The following SP100 variants were observed in gnomAD, a reference collection of about 807,000 sequenced individuals.
SP100 encodes the protein SP100 nuclear body protein, also known as nuclear autoantigen Sp-100.
SP100 carries 84 observed loss-of-function variants against 130.0 expected under a neutral mutation model. The observed-to-expected ratio is 0.65, with a 90% CI of 0.54 to 0.77. The LOEUF is 0.77. Ranked by LOEUF, SP100 falls within the 30% of genes least tolerant of loss-of-function variation. The pLI, the probability that SP100 is intolerant of heterozygous loss-of-function variation, is 0.00. For synonymous variants in SP100, 331 were observed against 351.7 expected (o/e 0.94, Z 0.66); for missense variants, 978 against 1,052.2 (o/e 0.93, Z 0.97).
At chr2:230,464,322 AC>A (rs2064821936) in intron 11 of SP100, among the ~76,000 whole-genome samples, 172 bp downstream of exon 11, 1 of 152,206 alleles carries the variant, frequency 6.6e-6, no homozygotes, top group African/African-American at 2.4e-5. Flanking sequence ...GAAATGGAAG[AC>A]ATTAGGAAGG....
At chr2:230,481,873 G>T (rs1559512275) in intron 17 of SP100, among the ~76,000 whole-genome samples, 1 of 152,154 alleles carries the variant, frequency 6.6e-6, no homozygotes, top group African/African-American at 2.4e-5. Flanking sequence ...TACATAAGAT[G>T]CTTTTACCTG....
chr2:230,420,159 G>A (rs2062727944), intron 2 of SP100, among the ~76,000 whole-genome samples: 1 of 152,136 alleles, frequency 6.6e-6, no homozygotes, highest in South Asian at 2.1e-4. Context: ...TTGTAAACAG[G>A]AATTCATTTT....
chr2:230,508,948 TACAC>T (rs57313808), intron 23 of SP100: 15,969 of 101,292 alleles, frequency 0.16, 1,508 homozygotes, highest in African/African-American at 0.28. Flanking sequence ...CACACACACA[TACAC>T]ACACACACAC....
At chr2:230,452,824 T>TG (rs2064069087) in intron 8 of SP100, among the ~76,000 whole-genome samples, 2 of 151,302 alleles carry the variant, frequency 1.3e-5, no homozygotes, top group Admixed American at 6.6e-5. Flanking sequence ...AGCAGTTTTT[T>TG]TTTTTTTTTT....
intron 26 of SP100, 151 bp from the exon 27 acceptor site, chr2:230,541,150 C>A: frequency 3.2e-6 from 4 of 1,243,082 alleles, no homozygotes; most frequent in South Asian, 1.5e-5. Context: ...ATTCATATTC[C>A]AAAGAAAAAT....
chr2:230,434,299 G>C (rs1212160101), intron 2 of SP100, among the ~76,000 whole-genome samples: 1 of 152,178 alleles, frequency 6.6e-6, no homozygotes, highest in Non-Finnish European at 1.5e-5. Flanking sequence ...TAACCAGTCA[G>C]CTGAATACAC....
At chr2:230,459,668 C>T (rs1252657549) in intron 8 of SP100, among the ~76,000 whole-genome samples, 1 of 152,196 alleles carries the variant, frequency 6.6e-6, no homozygotes, top group African/African-American at 2.4e-5. Context: ...CCACTTGTGT[C>T]AATCCCAACT....
In SP100 at chr2:230,540,857, T is replaced by G. The variant is rs4973329; in HGVS notation, c.2211-19T>G. Reference sequence around the variant, plus strand: ...ATTCACAGAACCTGCCATTGCTCACTTTATGCCCCATCTCTCAGGAACCCG... The same window carrying G: ...ATTCACAGAACCTGCCATTGCTCACGTTATGCCCCATCTCTCAGGAACCCG... On this transcript the variant is annotated intron_variant, in intron 25 of 28. Transcript: ENST00000340126. 0.22 allele frequency: 346,996 copies of G among 1,605,060 alleles called. 39,598 individuals are homozygous for G. Among genetic ancestry groups the G allele is most frequent in the Non-Finnish European group, 0.24 (279,606 of 1,173,990 alleles).
At chr2:230,512,216 A>C (rs1690640895) in intron 24 of SP100, among the ~76,000 whole-genome samples, 1 of 149,002 alleles carries the variant, frequency 6.7e-6, no homozygotes, top group Non-Finnish European at 1.5e-5. Context: ...GTGAGGAGTG[A>C]CTCAATAAAA....
At chr2:230,453,002 A>T (rs1157736414) in intron 8 of SP100, among the ~76,000 whole-genome samples, 1 of 152,088 alleles carries the variant, frequency 6.6e-6, no homozygotes, top group Non-Finnish European at 1.5e-5. Context: ...AGAATGGGCA[A>T]TCTGTATTGG....
chr2:230,469,372 G>T, intron 14 of SP100: 1 of 519,748 alleles, frequency 1.9e-6, no homozygotes, highest in South Asian at 1.6e-5. Flanking sequence ...GTCATTCAGG[G>T]CCCAGCTGAT....
intron 2 of SP100, 90 bp from the exon 3 acceptor site, chr2:230,442,847 T>C: frequency 9.0e-7 from 1 of 1,105,066 alleles, no homozygotes; most frequent in African/African-American, 1.6e-5. Context: ...TCATTCTTTG[T>C]AGCTTGTCCT....
chr2:230,423,533 T>A (rs1273166031), intron 2 of SP100, among the ~76,000 whole-genome samples: 1 of 152,176 alleles, frequency 6.6e-6, no homozygotes, highest in Non-Finnish European at 1.5e-5. Context: ...ATTTCTTTCC[T>A]AATTCTTTAC....
intron 19 of SP100, among the ~76,000 whole-genome samples, chr2:230,498,906 G>C (rs1446573943): frequency 6.6e-6 from 1 of 152,200 alleles, no homozygotes; most frequent in Non-Finnish European, 1.5e-5. Context: ...TAATTGTGTG[G>C]ACTTGGGTCT....
intron 11 of SP100, among the ~76,000 whole-genome samples, chr2:230,465,130 G>A (rs564808253): frequency 1.3e-5 from 2 of 152,250 alleles, no homozygotes; most frequent in African/African-American, 4.8e-5. Flanking sequence ...CAGCCACTCG[G>A]GAGGCTGAGG....
At chr2:230,494,546 A>G in intron 18 of SP100, 86 bp downstream of exon 18, 2 of 1,004,064 alleles carry the variant, frequency 2.0e-6, no homozygotes, top group South Asian at 2.6e-5. Context: ...GCAGCCTCAG[A>G]ATCTCCTATG....
chr2:230,514,003 A>C (rs1398138037), intron 24 of SP100, among the ~76,000 whole-genome samples: 1 of 152,102 alleles, frequency 6.6e-6, no homozygotes, highest in Admixed American at 6.5e-5. Context: ...ACAAGTCATC[A>C]ATTTATAGTT....
chr2:230,504,622 T>G (rs1211091485), intron 21 of SP100, among the ~76,000 whole-genome samples: 1 of 152,192 alleles, frequency 6.6e-6, no homozygotes, highest in Non-Finnish European at 1.5e-5. Flanking sequence ...TAAAATGTTG[T>G]CTACCAGGGA....
chr2:230,495,525 G>A (rs2066621528), intron 18 of SP100, among the ~76,000 whole-genome samples: 1 of 152,072 alleles, frequency 6.6e-6, no homozygotes, highest in East Asian at 1.9e-4. Context: ...TCGCCATGTT[G>A]GCCAGGCTGG....
Sources: gnomAD v4.1 joint callset for allele counts (sites outside exome capture counted in the v4.1 genomes callset) on GRCh38, gnomAD v4.1.1 for gene constraint, MANE v1.5 for transcripts, NCBI Gene and HGNC (gene_info 2026-07-23, HGNC 2026-07-21) for gene names.